Variants in NUSAP1 observed in about 807,000 individuals in gnomAD.
The protein encoded by NUSAP1 is nucleolar and spindle associated protein 1.
Under a neutral mutation model 52.8 loss-of-function variants are expected in NUSAP1, and 32 were observed. The observed-to-expected ratio is 0.61, with a 90% CI of 0.46 to 0.81. NUSAP1 has a LOEUF of 0.81. Among genes scored for constraint, NUSAP1 ranks in the 40% least tolerant of loss-of-function variants. The pLI is 0.00. For synonymous variants in NUSAP1, 195 were observed against 183.1 expected (o/e 1.06, Z -0.52); for missense variants, 499 against 522.3 (o/e 0.96, Z 0.43).
At chr15:41,365,259 T>A in intron 6 of NUSAP1, 143 bp from the exon 7 acceptor site, 1 of 584,682 alleles carries the variant, frequency 1.7e-6, no homozygotes, top group South Asian at 2.5e-5. Context: ...TGGGTTCAAG[T>A]GATTCTCCCG....
At chr15:41,372,428 T>C (rs2049739437) in intron 8 of NUSAP1, among the ~76,000 whole-genome samples, 1 of 152,212 alleles carries the variant, frequency 6.6e-6, no homozygotes, top group Non-Finnish European at 1.5e-5. Context: ...TTATCTATTT[T>C]ACTATTCACG....
chr15:41,353,900 G>A (rs2048866847), intron 4 of NUSAP1, among the ~76,000 whole-genome samples: 1 of 151,974 alleles, frequency 6.6e-6, no homozygotes, highest in Admixed American at 6.6e-5. Context: ...TATTTCCACT[G>A]TACTACAGCT....
chr15:41,378,571 G>A (rs1048001399), intron 10 of NUSAP1, among the ~76,000 whole-genome samples: 3 of 152,192 alleles, frequency 2.0e-5, no homozygotes, highest in Admixed American at 1.3e-4. Flanking sequence ...GGATCACGAT[G>A]TCAGGAGTTG....
intron 7 of NUSAP1, among the ~76,000 whole-genome samples, chr15:41,367,364 G>A (rs911269520): frequency 6.6e-6 from 1 of 152,166 alleles, no homozygotes; most frequent in East Asian, 1.9e-4. Flanking sequence ...TCAAGGGCAG[G>A]TTCGCCTTGA....
intron 8 of NUSAP1, 54 bp from the exon 9 acceptor site, chr15:41,375,658 T>C: frequency 8.9e-7 from 1 of 1,118,190 alleles, no homozygotes; most frequent in Non-Finnish European, 1.4e-6. Flanking sequence ...GATAAACACT[T>C]TACCAGGTCT....
chr15:41,370,726 G>T (rs1175776533), intron 7 of NUSAP1, among the ~76,000 whole-genome samples: 3 of 147,990 alleles, frequency 2.0e-5, no homozygotes, highest in Non-Finnish European at 4.5e-5. Context: ...CTCCAGCCTG[G>T]GCGACCGAGC....
intron 2 of NUSAP1, chr15:41,343,387 T>TGCTGTCATCCAG (rs1422523737): frequency 3.0e-4 from 46 of 152,342 alleles, no homozygotes; most frequent in African/African-American, 1.1e-3. Context: ...GACAGAATCT[T>TGCTGTCATCCAG]GCTGTCATCC....
rs1028494008 is a variant in NUSAP1 at position 41,380,936 on chromosome 15, G to T, written c.*750G>T. 6.6e-6 allele frequency: 1 copy of T among 152,146 alleles called. No individual in the cohort carries two copies. The highest frequency in any genetic ancestry group is 1.5e-5 in the Non-Finnish European group (1 of 68,014). 9.4% of individuals were successfully genotyped at this position (152,146 alleles called of 1,614,324 possible). A position where few individuals can be genotyped will look rare whatever the true frequency, so the allele number is the denominator to read the frequency against. On this transcript the variant is annotated 3_prime_UTR_variant, in exon 11 of 11. Transcript: ENST00000559596. ...AAATGTACTTCTTATTCATTTTATG[G>T]AAAAGACTAGGCTTTGCTTAGTATC...
intron 7 of NUSAP1, among the ~76,000 whole-genome samples, chr15:41,369,635 C>T (rs775466082): frequency 6.6e-5 from 10 of 150,804 alleles, no homozygotes; most frequent in Admixed American, 1.3e-4. Context: ...GCAACAAGAG[C>T]GAAACATTGT....
chr15:41,357,931 G>A (rs2049031126), intron 5 of NUSAP1, among the ~76,000 whole-genome samples: 1 of 152,178 alleles, frequency 6.6e-6, no homozygotes, highest in African/African-American at 2.4e-5. Context: ...AAATTTGTCA[G>A]TGGGGAGATG....
chr15:41,341,026 T>C (rs1201610686), intron 1 of NUSAP1, among the ~76,000 whole-genome samples: 1 of 152,172 alleles, frequency 6.6e-6, no homozygotes, highest in African/African-American at 2.4e-5. Context: ...ACTGCATGGC[T>C]GGGTGGAAGA....
chr15:41,362,877 G>A (rs896029995), intron 6 of NUSAP1, among the ~76,000 whole-genome samples: 1 of 152,220 alleles, frequency 6.6e-6, no homozygotes, highest in Non-Finnish European at 1.5e-5. Flanking sequence ...GGAGGCTGAG[G>A]CAGGAAAAAT....
At chr15:41,350,117 C>G (rs985674499) in intron 3 of NUSAP1, among the ~76,000 whole-genome samples, 2 of 152,074 alleles carry the variant, frequency 1.3e-5, no homozygotes, top group Non-Finnish European at 2.9e-5. Context: ...TTGCAGTAAA[C>G]TGAGGAACGG....
intron 1 of NUSAP1, among the ~76,000 whole-genome samples, chr15:41,341,679 G>A (rs373360200): frequency 3.9e-5 from 6 of 152,064 alleles, no homozygotes; most frequent in African/African-American, 1.4e-4. Flanking sequence ...CCTTAGCCCC[G>A]CTCCAGTTCA....
intron 1 of NUSAP1, among the ~76,000 whole-genome samples, chr15:41,336,956 A>G (rs2048174984): frequency 7.0e-6 from 1 of 142,502 alleles, no homozygotes; most frequent in Non-Finnish European, 1.5e-5. Context: ...AAACTGCCTT[A>G]TCGTTCAACC....
In NUSAP1 at chr15:41,371,653, A is replaced by G. The variant is rs2049695713; in HGVS notation, c.975A>G (p.Lys325=). ...PKGEAVLGTH[K]LKTITGNSAA... Reference sequence around the variant, plus strand: ...GCGAGGCTGTGCTTGGGACACACAAATTAAAGACCATCACGGGGAATTCTG... The same window carrying G: ...GCGAGGCTGTGCTTGGGACACACAAGTTAAAGACCATCACGGGGAATTCTG... The change falls in exon 8 of 11, where the codon AAA becomes AAG. Residue 325 remains lysine, a synonymous_variant. Transcript: ENST00000559596. The G allele has an allele frequency of 1.9e-6, 3 of 1,592,134 alleles. No individual in the cohort carries two copies. Among genetic ancestry groups the G allele is most frequent in the Non-Finnish European group, 2.6e-6 (3 of 1,174,244 alleles).
At position 41,365,493 on chromosome 15, in the gene NUSAP1, CGCAAG is replaced by C. The variant is rs1567065331; in HGVS notation, c.755_759del (p.Gln252ProfsTer26). On this transcript the variant is annotated frameshift_variant, in exon 7 of 11. Transcript: ENST00000559596. LOFTEE classifies it high-confidence loss of function. ...TCTACTCCCATCAGCCAACGACGCT[CGCAAG>C]GCCGGTCTTGTGGCCCTGCAAGTCA... 1 of 1,612,734 alleles carries C rather than the reference CGCAAG, an allele frequency of 6.2e-7. No homozygotes were observed. Among genetic ancestry groups the C allele is most frequent in the Admixed American group, 1.7e-5 (1 of 59,780 alleles).
intron 10 of NUSAP1, among the ~76,000 whole-genome samples, chr15:41,379,614 G>T (rs1490636284): frequency 6.6e-6 from 1 of 151,926 alleles, no homozygotes; most frequent in East Asian, 1.9e-4. Context: ...GCGTGATCTC[G>T]GCTCACTGCA....
intron 4 of NUSAP1, among the ~76,000 whole-genome samples, chr15:41,352,762 G>T (rs2048824003): frequency 6.6e-6 from 1 of 151,936 alleles, no homozygotes; most frequent in African/African-American, 2.4e-5. Flanking sequence ...TCACCATGTT[G>T]CCCAGGCTGG....
Sources: allele counts gnomAD v4.1 joint callset (sites outside exome capture counted in the v4.1 genomes callset), GRCh38; gene constraint gnomAD v4.1.1; transcripts MANE v1.5; gene names NCBI Gene and HGNC (gene_info 2026-07-23, HGNC 2026-07-21).